LIPK: variants seen among roughly 807,000 people sequenced by gnomAD.
The protein encoded by LIPK is lipase family member K.
LIPK carries 32 observed loss-of-function variants against 48.6 expected under a neutral mutation model. That is an observed-to-expected ratio of 0.66 (90% CI 0.50 to 0.88). The LOEUF is 0.88. Ranked by LOEUF, LIPK falls within the 40% of genes least tolerant of loss-of-function variation. The pLI, the probability that LIPK is intolerant of heterozygous loss-of-function variation, is 0.00. For synonymous variants in LIPK, 164 were observed against 157.4 expected, an observed-to-expected ratio of 1.04 and a Z score of -0.32; for missense variants, 507 against 478.5, an observed-to-expected ratio of 1.06 and a Z score of -0.56.
intron 8 of LIPK, 65 bp downstream of exon 8, chr10:88,740,132 A>C: frequency 7.7e-7 from 1 of 1,298,980 alleles, no homozygotes; most frequent in Non-Finnish European, 1.1e-6. Flanking sequence ...AAGTGCTCTC[A>C]GAGAGCTCAC....
intron 6 of LIPK, among the ~76,000 whole-genome samples, chr10:88,736,448 A>T (rs1444403712): frequency 6.6e-6 from 1 of 152,228 alleles, no homozygotes; most frequent in African/African-American, 2.4e-5. Flanking sequence ...TAATAATAGT[A>T]GCAGCATACA....
At chr10:88,734,521 G>A (rs2134749620) in intron 6 of LIPK, among the ~76,000 whole-genome samples, 1 of 152,254 alleles carries the variant, frequency 6.6e-6, no homozygotes. Flanking sequence ...AAGTAATTGG[G>A]GAGCATGGAA....
chr10:88,723,964 T>C (rs533527294), intron 1 of LIPK, among the ~76,000 whole-genome samples: 2 of 152,254 alleles, frequency 1.3e-5, no homozygotes, highest in East Asian at 3.9e-4. Flanking sequence ...CTTTGGGAAA[T>C]TTTACTGTCT....
At chr10:88,732,630 C>T in intron 6 of LIPK, 79 bp downstream of exon 6, 3 of 1,394,056 alleles carry the variant, frequency 2.2e-6, no homozygotes, top group African/African-American at 1.4e-5. Context: ...AGACCAATGA[C>T]ATTTTACAAA....
At position 88,752,697 on chromosome 10, in the gene LIPK, G is replaced by A. The variant is rs1842885284; in HGVS notation, c.1141G>A (p.Ala381Thr). Residue 381 changes from alanine (A) to threonine (T), a missense_variant, in exon 10 of 10, where the codon GCA (alanine) becomes ACA (threonine). By Grantham distance (58) the Ala-to-Thr change is moderately conservative. Transcript: ENST00000404190. ...NHVDFYLGED[A>T]PQEIYQDLII... Reference sequence around the variant, plus strand: ...TGTGGATTTTTACCTTGGAGAGGATGCACCTCAGGAAATTTACCAAGACCT... The same window carrying A: ...TGTGGATTTTTACCTTGGAGAGGATACACCTCAGGAAATTTACCAAGACCT... The A allele has an allele frequency of 6.4e-7, 1 of 1,573,738 alleles. No homozygotes were observed. The highest frequency in any genetic ancestry group is 8.6e-7 in the Non-Finnish European group (1 of 1,156,510).
chr10:88,733,650 G>C (rs961502030), intron 6 of LIPK, among the ~76,000 whole-genome samples: 2 of 152,188 alleles, frequency 1.3e-5, no homozygotes, highest in African/African-American at 4.8e-5. Context: ...AACAATGTCA[G>C]ACTTTTTGCT....
At chr10:88,716,981 C>T (rs1842131690) in intron 1 of LIPK, among the ~76,000 whole-genome samples, 1 of 151,958 alleles carries the variant, frequency 6.6e-6, no homozygotes, top group South Asian at 2.1e-4. Context: ...TGATAAGATG[C>T]TGTTGGATCA....
At chr10:88,737,866 C>G in intron 7 of LIPK, 85 bp downstream of exon 7, 1 of 1,413,368 alleles carries the variant, frequency 7.1e-7, no homozygotes, top group Non-Finnish European at 9.8e-7. Context: ...ATGGCAACTG[C>G]AATTCAAGGT....
rs551574611 is a variant in LIPK, at chr10:88,724,695, T to A, written c.105+47T>A. On this transcript the variant is annotated intron_variant, in intron 2 of 9. Coordinates refer to ENST00000404190, the MANE Select transcript of LIPK (RefSeq NM_001080518.2). ...AAATGCTAAAATAAGGAATTATTCA[T>A]ATTTCAGCATTTTAGATACAACTGG... 2.7e-5 allele frequency: 36 copies of A among 1,347,402 alleles called. No homozygotes were observed. The South Asian group carries it at 4.3e-4, about 16-fold the overall frequency. 83.5% of individuals were successfully genotyped at this position (1,347,402 alleles called of 1,614,324 possible).
At chr10:88,731,905 C>T (rs534025165) in intron 4 of LIPK, among the ~76,000 whole-genome samples, 3 of 152,250 alleles carry the variant, frequency 2.0e-5, no homozygotes, top group African/African-American at 7.2e-5. Flanking sequence ...CTTGGTAAAT[C>T]TGTTATAGAA....
chr10:88,728,205 C>A, intron 3 of LIPK: 1 of 200,422 alleles, frequency 5.0e-6, no homozygotes. Flanking sequence ...GCTGCAGTCC[C>A]AGATCTCGGC....
chr10:88,722,189 G>C (rs1001008769), intron 1 of LIPK, among the ~76,000 whole-genome samples: 8 of 152,286 alleles, frequency 5.3e-5, no homozygotes, highest in Non-Finnish European at 4.4e-5. Context: ...CAGCTATTCC[G>C]GGGGCTGGGG....
intron 1 of LIPK, among the ~76,000 whole-genome samples, chr10:88,719,073 A>C (rs1189633312): frequency 6.6e-6 from 1 of 152,198 alleles, no homozygotes; most frequent in Non-Finnish European, 1.5e-5. Flanking sequence ...TGTCCTTAAG[A>C]AGCTTATGAA....
At chr10:88,738,599 T>C (rs1424794169) in intron 7 of LIPK, among the ~76,000 whole-genome samples, 1 of 152,248 alleles carries the variant, frequency 6.6e-6, no homozygotes, top group Non-Finnish European at 1.5e-5. Context: ...ATCACTTAGA[T>C]GCAAGGATAT....
intron 1 of LIPK, among the ~76,000 whole-genome samples, chr10:88,710,895 T>A (rs1842015167): frequency 6.6e-6 from 1 of 152,180 alleles, no homozygotes. Flanking sequence ...CACTGTGATA[T>A]TATAAACTAT....
At chr10:88,735,618 C>T (rs1842556482) in intron 6 of LIPK, among the ~76,000 whole-genome samples, 1 of 152,260 alleles carries the variant, frequency 6.6e-6, no homozygotes. Context: ...AGCCCATGTT[C>T]TGCTTTGGCA....
intron 3 of LIPK, chr10:88,727,763 G>A: frequency 3.8e-6 from 1 of 261,570 alleles, no homozygotes; most frequent in Non-Finnish European, 7.7e-6. Context: ...CTCCCTAAAA[G>A]TGGAGGTGGA....
chr10:88,747,158 G>T lies in LIPK; in HGVS notation c.960+3837G>T, dbSNP rs577255800. Among the ~76,000 whole-genome samples, 14 of 152,254 alleles carry T rather than the reference G, an allele frequency of 9.2e-5. No individual in the cohort carries two copies. The South Asian group carries it at 2.7e-3, about 29-fold the overall frequency. Reference sequence around the variant, plus strand: ...ACCAGAAAAAGCCCTGGACCAGAATGAATTACAGTCCAATTTTACCATACA... The same window carrying T: ...ACCAGAAAAAGCCCTGGACCAGAATTAATTACAGTCCAATTTTACCATACA... On this transcript the variant is annotated intron_variant, in intron 9 of 9. Transcript: ENST00000404190.
At chr10:88,751,498 T>C (rs1170098886) in intron 9 of LIPK, among the ~76,000 whole-genome samples, 1 of 152,214 alleles carries the variant, frequency 6.6e-6, no homozygotes, top group Non-Finnish European at 1.5e-5. Flanking sequence ...GTGCTGGGAT[T>C]ACAGGCGTGA....
Sources: allele counts gnomAD v4.1 joint callset (sites outside exome capture counted in the v4.1 genomes callset), GRCh38; gene constraint gnomAD v4.1.1; transcripts MANE v1.5; gene names NCBI Gene and HGNC (gene_info 2026-07-23, HGNC 2026-07-21).